Variants in IL17REL observed in about 807,000 individuals in gnomAD.
IL17REL encodes interleukin 17 receptor E like, also known as interleukin-17 receptor E-like protein.
A neutral mutation model predicts 49.0 loss-of-function variants in IL17REL; 36 were observed. That is an observed-to-expected ratio of 0.73 (90% CI 0.56 to 0.97). The LOEUF is 0.97. Ranked by LOEUF, IL17REL falls within the 50% of genes least tolerant of loss-of-function variation. The pLI is 0.00. For missense variants in IL17REL, 470 were observed against 453.9 expected (o/e 1.04, Z -0.32); for synonymous variants, 206 against 192.4 (o/e 1.07, Z -0.58).
chr22:50,000,043 C>A, intron 4 of IL17REL, 76 bp from the exon 7 acceptor site: 3 of 1,372,858 alleles, frequency 2.2e-6, no homozygotes, highest in Non-Finnish European at 2.8e-6. Context: ...CCCGAGAGCC[C>A]CGACGTGGTG....
At chr22:50,006,908 T>C (rs1473541251) in intron 1 of IL17REL, among the ~76,000 whole-genome samples, 1 of 149,304 alleles carries the variant, frequency 6.7e-6, no homozygotes, top group African/African-American at 2.5e-5. Context: ...TGAGCCAAGA[T>C]TGCACCACTG....
chr22:49,996,362 C>T (rs888919951), exon 13 of IL17REL: 1 of 152,496 alleles, frequency 6.6e-6, no homozygotes, highest in African/African-American at 2.4e-5. Context: ...AAGGCAGAGC[C>T]ACGCTCCTGA....
exon 12 of IL17REL, chr22:49,997,048 A>G (rs1411741011): frequency 6.4e-7 from 1 of 1,564,734 alleles, no homozygotes; most frequent in Non-Finnish European, 8.6e-7. Flanking sequence ...CTAGGAAGGC[A>G]AAAGCAGGGG....
rs903312682 is a variant in IL17REL, at chr22:49,999,810, C to T, written c.474+18G>A. ...GCGGGGCCTAAGGCTGACCGGGGCC[C>T]GGGGCGCGGGCGCTCACTCGCACAG... is the stretch of plus-strand genomic sequence containing the variant. On this transcript the variant is annotated intron_variant, in intron 5 of 12. Transcript: ENST00000341280. The T allele has an allele frequency of 3.4e-6, 5 of 1,488,404 alleles. No homozygotes were observed. In the African/African-American group the frequency reaches 4.4e-5, roughly 13 times the overall value. The allele number at this position is 1,488,404 out of a possible 1,614,324, so 92.2% of individuals were successfully genotyped here.
At chr22:50,007,156 C>T (rs1249015309) in intron 1 of IL17REL, among the ~76,000 whole-genome samples, 2 of 151,972 alleles carry the variant, frequency 1.3e-5, no homozygotes, top group African/African-American at 4.8e-5. Context: ...GAACAGTAAA[C>T]CTTTGGAATC....
chr22:50,000,923 G>C, intron 2 of IL17REL, 60 bp from the exon 4 acceptor site: 6 of 1,366,460 alleles, frequency 4.4e-6, no homozygotes, highest in Non-Finnish European at 5.9e-6. Flanking sequence ...GGCTCCGGAC[G>C]GGGCCGTGGG....
intron 9 of IL17REL, 85 bp from the exon 12 acceptor site, chr22:49,997,827 G>T (rs1324567031): frequency 4.1e-6 from 6 of 1,474,794 alleles, no homozygotes; most frequent in Non-Finnish European, 4.7e-6. Flanking sequence ...GACAGGCTGG[G>T]TCAGCTTCAG....
At chr22:50,003,257 C>T (rs572046039) in intron 1 of IL17REL, among the ~76,000 whole-genome samples, 1 of 152,130 alleles carries the variant, frequency 6.6e-6, no homozygotes, top group African/African-American at 2.4e-5. Flanking sequence ...GGGCGGGGCT[C>T]ATGCCTGTAA....
At chr22:49,996,383 G>C (rs1243138554) in exon 13 of IL17REL, 1 of 152,450 alleles carries the variant, frequency 6.6e-6, no homozygotes, top group Non-Finnish European at 1.5e-5. Context: ...CCACACCCAG[G>C]CCACATGTGC....
intron 4 of IL17REL, among the ~76,000 whole-genome samples, chr22:50,000,211 C>T (rs2061069755): frequency 6.6e-6 from 1 of 152,220 alleles, no homozygotes; most frequent in Non-Finnish European, 1.5e-5. Context: ...CAGTCGGGCA[C>T]GCTCCTCCCC....
chr22:49,997,946 G>C, intron 9 of IL17REL, 79 bp downstream of exon 11: 4 of 1,546,738 alleles, frequency 2.6e-6, no homozygotes, highest in Non-Finnish European at 3.5e-6. Context: ...CTGGGCAAGG[G>C]CCCCTGCCCC....
upstream of IL17REL, among the ~76,000 whole-genome samples, chr22:50,012,195 C>T (rs186449948): frequency 6.6e-6 from 1 of 152,168 alleles, no homozygotes; most frequent in African/African-American, 2.4e-5. Context: ...CTACACAAGC[C>T]CAGGTGTTGC....
intron 4 of IL17REL, 30 bp from the exon 7 acceptor site, chr22:49,999,997 T>C: frequency 6.8e-7 from 1 of 1,480,004 alleles, no homozygotes; most frequent in South Asian, 1.3e-5. Flanking sequence ...GGGGCCGCGC[T>C]GGGACCAGCG....
chr22:50,005,161 G>A (rs1265691886), intron 1 of IL17REL, among the ~76,000 whole-genome samples: 1 of 152,128 alleles, frequency 6.6e-6, no homozygotes, highest in African/African-American at 2.4e-5. Flanking sequence ...AGGAGGCTGT[G>A]TAGAAGGAAG....
chr22:49,997,927 G>C, intron 9 of IL17REL, 98 bp downstream of exon 11: 1 of 1,505,394 alleles, frequency 6.6e-7, no homozygotes, highest in Non-Finnish European at 9.1e-7. Flanking sequence ...GGGAGGCTAG[G>C]CTCCAGGGCT....
chr22:50,010,360 C>G (rs1038589968), upstream of IL17REL, among the ~76,000 whole-genome samples: 1 of 152,232 alleles, frequency 6.6e-6, no homozygotes, highest in Non-Finnish European at 1.5e-5. Flanking sequence ...GAACGGGATC[C>G]GAGCAGGCCT....
chr22:50,008,063 A>G (rs921677978), intron 1 of IL17REL, among the ~76,000 whole-genome samples: 5 of 152,114 alleles, frequency 3.3e-5, no homozygotes, highest in African/African-American at 9.7e-5. Context: ...TGGTTGACCA[A>G]CCAGAGATAG....
chr22:50,000,223 C>A (rs1208875664), intron 4 of IL17REL, among the ~76,000 whole-genome samples: 1 of 152,258 alleles, frequency 6.6e-6, no homozygotes, highest in Non-Finnish European at 1.5e-5. Flanking sequence ...CTCCTCCCCA[C>A]GTCCTCCTCT....
In IL17REL at chr22:49,997,077, G is replaced by A. The variant is rs1320760924; in HGVS notation, c.975-3C>T. The A allele has an allele frequency of 6.4e-7, 1 of 1,570,300 alleles. No homozygotes were observed. Among genetic ancestry groups the A allele is most frequent in the Non-Finnish European group, 8.6e-7 (1 of 1,163,010 alleles). On this transcript the variant is annotated splice_polypyrimidine_tract_variant and splice_region_variant and intron_variant, in intron 11 of 12. Coordinates refer to ENST00000341280, the Ensembl canonical transcript of IL17REL. Reference sequence around the variant, plus strand: ...GCAGGGGCGGCTGCCAGGTCACCCTGGGTGGGGGAGGGCAGGTCACAGGCA... The same window carrying A: ...GCAGGGGCGGCTGCCAGGTCACCCTAGGTGGGGGAGGGCAGGTCACAGGCA...
Sources: allele counts gnomAD v4.1 joint callset (sites outside exome capture counted in the v4.1 genomes callset), GRCh38; gene constraint gnomAD v4.1.1; transcripts MANE v1.5; gene names NCBI Gene and HGNC (gene_info 2026-07-23, HGNC 2026-07-21).